Variants in COL25A1 observed in about 807,000 individuals in gnomAD.
COL25A1 encodes collagen type XXV alpha 1 chain, also known as collagen alpha-1(XXV) chain.
In COL25A1, 103 loss-of-function variants were observed where a neutral mutation model predicts 128.4. That is an observed-to-expected ratio of 0.80 (90% CI 0.68 to 0.94). The LOEUF (loss-of-function observed/expected upper bound fraction) is 0.94, where lower values mean the gene tolerates loss of function less well. COL25A1 is among the 40% of genes least tolerant of loss of function. The pLI is 0.00. For missense variants in COL25A1, 745 were observed against 840.0 expected (o/e 0.89, Z 1.40); for synonymous variants, 279 against 277.2 (o/e 1.01, Z -0.06).
chr4:109,274,755 A>G (rs977235872), intron 3 of COL25A1, among the ~76,000 whole-genome samples: 1 of 152,232 alleles, frequency 6.6e-6, no homozygotes, highest in African/African-American at 2.4e-5. Context: ...TACAAAATTC[A>G]GCAAGTTAAA....
chr4:108,928,033 G>A (rs951121425), intron 11 of COL25A1, among the ~76,000 whole-genome samples: 4 of 151,956 alleles, frequency 2.6e-5, no homozygotes, highest in Admixed American at 6.6e-5. Context: ...AAATTGCTTC[G>A]TATTGCTAAA....
Position 109,243,329 on chromosome 4 carries a change from G to A in COL25A1, c.367+57254C>T, listed in dbSNP as rs185701561. 3.6e-3 allele frequency among the ~76,000 whole-genome samples: 543 copies of A among 152,088 alleles called. 2 individuals are homozygous for A. Among genetic ancestry groups the A allele is most frequent in the African/African-American group, 0.012 (515 of 41,518 alleles). On this transcript the variant is annotated intron_variant, in intron 3 of 37. Transcript: ENST00000399132. ...GGTTCTGTAAACTTGGAAGGAAAAG[G>A]TGTATGAACCAACTCTGCTTGTGAG...
Position 108,819,348 on chromosome 4 carries a change from T to C in COL25A1, c.1846-19A>G. 6.3e-7 allele frequency: 1 copy of C among 1,590,270 alleles called. No homozygotes were observed. Among genetic ancestry groups the C allele is most frequent in the African/African-American group, 1.3e-5 (1 of 74,104 alleles). On this transcript the variant is annotated intron_variant, in intron 35 of 37. Transcript: ENST00000399132. ...GGAATCCCTGTTTGTAAAGATTAAC[T>C]CATAATGTTACTAACACAAGAAATC...
chr4:109,206,100 A>T (rs916454081), intron 3 of COL25A1, among the ~76,000 whole-genome samples: 1 of 152,142 alleles, frequency 6.6e-6, no homozygotes, highest in Admixed American at 6.6e-5. Flanking sequence ...AACACACTTA[A>T]TATATAAGAT....
chr4:109,173,537 T>A (rs951371990), intron 3 of COL25A1, among the ~76,000 whole-genome samples: 4 of 152,206 alleles, frequency 2.6e-5, no homozygotes, highest in Admixed American at 6.5e-5. Flanking sequence ...ACTCTTTTTT[T>A]AATATGAAAT....
At chr4:108,908,296 TGA>T (rs1489399742) in intron 13 of COL25A1, among the ~76,000 whole-genome samples, 1 of 152,152 alleles carries the variant, frequency 6.6e-6, no homozygotes, top group Non-Finnish European at 1.5e-5. Context: ...ATCACTGAGC[TGA>T]GTCTGTCTTC....
chr4:109,187,923 C>A (rs1015895324), intron 3 of COL25A1, among the ~76,000 whole-genome samples: 3 of 152,038 alleles, frequency 2.0e-5, no homozygotes, highest in Admixed American at 6.6e-5. Flanking sequence ...GTTAAGCAGC[C>A]CCTAAAGCAA....
chr4:109,062,704 A>G (rs1466805135), intron 3 of COL25A1, among the ~76,000 whole-genome samples: 1 of 152,220 alleles, frequency 6.6e-6, no homozygotes, highest in African/African-American at 2.4e-5. Context: ...TTCCATCCAC[A>G]TGCATATTTA....
rs540964705 is a variant in COL25A1, at chr4:108,910,174, A to C, written c.780+7998T>G. Among the ~76,000 whole-genome samples the C allele has an allele frequency of 1.4e-4, 21 of 152,324 alleles. No homozygotes were observed. The East Asian group carries it at 1.9e-3, about 14-fold the overall frequency. On this transcript the variant is annotated intron_variant, in intron 13 of 37. Coordinates refer to ENST00000399132, the MANE Select transcript of COL25A1 (RefSeq NM_198721.4). ...AACCCAGCTAATTCCATATTTCCTA[A>C]AGTATAGTTCTTAAAGAAACTGTGT...
intron 8 of COL25A1, among the ~76,000 whole-genome samples, chr4:108,942,926 T>C (rs1218042548): frequency 6.6e-6 from 1 of 151,688 alleles, no homozygotes; most frequent in African/African-American, 2.4e-5. Context: ...CAGCTAATTT[T>C]TGTATTTGTA....
chr4:109,134,791 G>T (rs1769553303), intron 3 of COL25A1, among the ~76,000 whole-genome samples: 1 of 152,064 alleles, frequency 6.6e-6, no homozygotes, highest in Non-Finnish European at 1.5e-5. Flanking sequence ...CAACTACGTG[G>T]AAAGGTCAAT....
At chr4:108,833,253 T>A (rs1733383218) in intron 31 of COL25A1, among the ~76,000 whole-genome samples, 1 of 152,204 alleles carries the variant, frequency 6.6e-6, no homozygotes, top group Non-Finnish European at 1.5e-5. Context: ...CAGCAGGGGC[T>A]TACAGGAAAG....
chr4:108,965,627 C>T (rs552874924), intron 8 of COL25A1, among the ~76,000 whole-genome samples: 44 of 152,258 alleles, frequency 2.9e-4, no homozygotes, highest in African/African-American at 1.0e-3. Context: ...CTGGGTGTCA[C>T]TGTGATTCCA....
At chr4:108,825,288 T>A in intron 33 of COL25A1, 66 bp from the exon 34 acceptor site, 3 of 1,291,326 alleles carry the variant, frequency 2.3e-6, no homozygotes, top group South Asian at 2.4e-5. Context: ...TTGCTTTATT[T>A]AAGGCTGTCT....
intron 3 of COL25A1, among the ~76,000 whole-genome samples, chr4:109,208,641 C>A (rs905855479): frequency 6.6e-6 from 1 of 152,056 alleles, no homozygotes; most frequent in Non-Finnish European, 1.5e-5. Flanking sequence ...GAACAAACTA[C>A]AAAGAACCAC....
At chr4:108,933,550 C>G (rs1486389687) in intron 11 of COL25A1, among the ~76,000 whole-genome samples, 1 of 152,114 alleles carries the variant, frequency 6.6e-6, no homozygotes, top group Non-Finnish European at 1.5e-5. Context: ...TAATTGGTAG[C>G]TATTATTCAA....
At chr4:109,013,474 G>C (rs539798538) in intron 5 of COL25A1, among the ~76,000 whole-genome samples, 23 of 152,152 alleles carry the variant, frequency 1.5e-4, no homozygotes, top group African/African-American at 5.3e-4. Context: ...CAACTTGCTC[G>C]AGTCCCCTTC....
intron 3 of COL25A1, among the ~76,000 whole-genome samples, chr4:109,105,834 G>C (rs1766377063): frequency 6.6e-6 from 1 of 152,138 alleles, no homozygotes; most frequent in African/African-American, 2.4e-5. Flanking sequence ...CCAAGCAGCA[G>C]CTTTTCCTTT....
At chr4:108,991,188 G>A (rs895107489) in intron 6 of COL25A1, among the ~76,000 whole-genome samples, 8 of 152,134 alleles carry the variant, frequency 5.3e-5, no homozygotes, top group East Asian at 1.9e-4. Flanking sequence ...GAAATGCTAC[G>A]TGTTATTTAC....
Sources: allele counts gnomAD v4.1 joint callset (sites outside exome capture counted in the v4.1 genomes callset), GRCh38; gene constraint gnomAD v4.1.1; transcripts MANE v1.5; gene names NCBI Gene and HGNC (gene_info 2026-07-23, HGNC 2026-07-21).